Variants in PCDHGA7 observed in about 807,000 individuals in gnomAD.
PCDHGA7 encodes protocadherin gamma-A7.
A neutral mutation model predicts 58.3 loss-of-function variants in PCDHGA7; 44 were observed. That is an observed-to-expected ratio of 0.75 (90% CI 0.59 to 0.97). PCDHGA7 has a LOEUF of 0.97. Among genes scored for constraint, PCDHGA7 ranks in the 50% least tolerant of loss-of-function variants. PCDHGA7 has a pLI of 0.00. For synonymous variants in PCDHGA7, 516 were observed against 504.2 expected, an observed-to-expected ratio of 1.02 and a Z score of -0.31; for missense variants, 1,266 against 1,188.7, an observed-to-expected ratio of 1.06 and a Z score of -0.96.
intron 1 of PCDHGA7, among the ~76,000 whole-genome samples, chr5:141,460,070 T>C (rs547558436): frequency 2.0e-5 from 3 of 152,202 alleles, no homozygotes; most frequent in South Asian, 2.1e-4. Flanking sequence ...AGAGTGAGAC[T>C]TCATCTAAAA....
At chr5:141,438,633 TATAC>T (rs1373299550) in intron 1 of PCDHGA7, among the ~76,000 whole-genome samples, 3,683 of 33,472 alleles carry the variant, frequency 0.11, 56 homozygotes, top group Non-Finnish European at 0.14. Flanking sequence ...TATATATATA[TATAC>T]ACACACACAC....
Position 141,487,341 on chromosome 5 carries a change from TC to T in PCDHGA7, c.2425-7465del, listed in dbSNP as rs778559139. Reference sequence around the variant, plus strand: ...TGTCTTCGTGGGGCAGCCTGTGGAGTCACATGCTTTCCTGCTGGCACCTGTG... The same window carrying T: ...TGTCTTCGTGGGGCAGCCTGTGGAGTACATGCTTTCCTGCTGGCACCTGTG... On this transcript the variant is annotated intron_variant, in intron 1 of 3. Transcript: ENST00000518325. This position sits in a 1 kb window ranked among gnomAD's most constrained non-coding sequence, Gnocchi z 5.0. 1 of 1,614,012 alleles carries T rather than the reference TC, an allele frequency of 6.2e-7. No homozygotes were observed. The highest frequency in any genetic ancestry group is 1.1e-5 in the South Asian group (1 of 91,074).
intron 1 of PCDHGA7, chr5:141,418,614 G>C: frequency 1.2e-6 from 2 of 1,613,994 alleles, no homozygotes; most frequent in Non-Finnish European, 1.7e-6. Flanking sequence ...GTTAGCCTTC[G>C]GGAAGACGTG....
At position 141,390,471 on chromosome 5, in the gene PCDHGA7, G is replaced by C. The variant is rs969771801; in HGVS notation, c.2424+5148G>C. The C allele has an allele frequency of 7.2e-6, 5 of 697,624 alleles. No homozygotes were observed. The African/African-American group carries it at 9.0e-5, about 13-fold the overall frequency. The allele number at this position is 697,624 out of a possible 1,614,324, so 43.2% of individuals were successfully genotyped here. On this transcript the variant is annotated intron_variant, in intron 1 of 3. Coordinates refer to ENST00000518325, the MANE Select transcript of PCDHGA7 (RefSeq NM_018920.4). ...GGAGTAAAGTAGGAGCAATTGTGTG[G>C]CCCAACATTTGTTTGTTTTTTAGCC... is the stretch of plus-strand genomic sequence containing the variant.
At chr5:141,401,861 G>A (rs934405271) in intron 1 of PCDHGA7, among the ~76,000 whole-genome samples, 3 of 152,122 alleles carry the variant, frequency 2.0e-5, no homozygotes, top group African/African-American at 7.2e-5. Context: ...TAACCTTTCA[G>A]TAGTTTTCTT....
rs777535962 is a variant in PCDHGA7, at chr5:141,431,195, G to T, written c.2424+45872G>T. The T allele has an allele frequency of 1.2e-6, 2 of 1,614,166 alleles. No homozygotes were observed. Among genetic ancestry groups the T allele is most frequent in the East Asian group, 2.2e-5 (1 of 44,890 alleles). On this transcript the variant is annotated intron_variant, in intron 1 of 3. Transcript: ENST00000518325. The surrounding 1 kb of genome is among the most constrained non-coding windows in gnomAD (Gnocchi z 4.8). ...ATTAGAAATAAAAATTAGTGAAAAT[G>T]CAGCCACTGAGATGCGGTTCCCTCT... is the stretch of plus-strand genomic sequence containing the variant.
chr5:141,408,728 C>A lies in PCDHGA7; in HGVS notation c.2424+23405C>A, dbSNP rs371316574. 3.7e-6 allele frequency: 6 copies of A among 1,610,174 alleles called. No individual in the cohort carries two copies. In the African/African-American group the frequency reaches 8.0e-5, roughly 22 times the overall value. ...TAAAGATTATAAGATAAACTCTAATCCTTATTTTTCATTAATGGTTAGAGT... is the reference window on the plus strand; with the variant it reads ...TAAAGATTATAAGATAAACTCTAATACTTATTTTTCATTAATGGTTAGAGT... On this transcript the variant is annotated intron_variant, in intron 1 of 3. Transcript: ENST00000518325.
Position 141,403,961 on chromosome 5 carries a change from G to A in PCDHGA7, c.2424+18638G>A, listed in dbSNP as rs763967342. 8.1e-6 allele frequency: 13 copies of A among 1,613,892 alleles called. No individual in the cohort carries two copies. Among genetic ancestry groups the A allele is most frequent in the Non-Finnish European group, 1.1e-5 (13 of 1,179,856 alleles). On this transcript the variant is annotated intron_variant, in intron 1 of 3. Transcript: ENST00000518325. ...AGGGTGGACAAAAGTGCTCATTTCG[G>A]TGGAAGATGTAAATGACAATAGACC...
intron 1 of PCDHGA7, chr5:141,418,934 G>T (rs1163951447): frequency 6.2e-7 from 1 of 1,614,056 alleles, no homozygotes; most frequent in African/African-American, 1.3e-5. Context: ...GATTATGGAG[G>T]ATTCCCCTCC....
In PCDHGA7 at chr5:141,405,069, C is replaced by T. The variant is rs200974828; in HGVS notation, c.2424+19746C>T. On this transcript the variant is annotated intron_variant, in intron 1 of 3. Coordinates refer to ENST00000518325, the MANE Select transcript of PCDHGA7 (RefSeq NM_018920.4). ...GCAGTCGTCTCCTGTGTCTTCCTCA[C>T]CTTCGTTATCACGCTGCTGGCCCTC... is the stretch of plus-strand genomic sequence containing the variant. 1.3e-4 allele frequency: 215 copies of T among 1,613,758 alleles called. No individual in the cohort carries two copies. The highest frequency in any genetic ancestry group is 1.7e-4 in the Non-Finnish European group (203 of 1,179,762).
rs1412764202 is a variant in PCDHGA7, at chr5:141,486,708, C to T, written c.2425-8099C>T. The T allele has an allele frequency of 1.2e-6, 2 of 1,614,062 alleles. No individual in the cohort carries two copies. Among genetic ancestry groups the T allele is most frequent in the Non-Finnish European group, 1.7e-6 (2 of 1,180,054 alleles). ...GCTTCCTCTTTCATCTCTCTGAACC[C>T]CCAGACAGGAGCTGTTCATGCTACT... On this transcript the variant is annotated intron_variant, in intron 1 of 3. Coordinates refer to ENST00000518325, the MANE Select transcript of PCDHGA7 (RefSeq NM_018920.4). This position sits in a 1 kb window ranked among gnomAD's most constrained non-coding sequence, Gnocchi z 5.0.
rs181806844 is a variant in PCDHGA7 at position 141,445,046 on chromosome 5, G to T, written c.2425-49761G>T. Among the ~76,000 whole-genome samples the T allele has an allele frequency of 1.2e-4, 19 of 152,248 alleles. No individual in the cohort carries two copies. The East Asian group carries it at 3.7e-3, about 29-fold the overall frequency. ...TCAGCTATGTTGTATAGTTTTCAGT[G>T]TAGAGAGGTCATGTATATTTCTCAT... On this transcript the variant is annotated intron_variant, in intron 1 of 3. Transcript: ENST00000518325.
Position 141,510,363 on chromosome 5 carries a change from G to A in PCDHGA7, c.2573-584G>A, listed in dbSNP as rs973832487. Among the ~76,000 whole-genome samples the A allele has an allele frequency of 7.8e-5, 11 of 141,564 alleles. No individual in the cohort carries two copies. In the East Asian group the frequency reaches 1.6e-3, roughly 21 times the overall value. 92.9% of individuals were successfully genotyped at this position (141,564 alleles called of 152,430 possible). The stretch of plus-strand genomic sequence containing the variant: ...CCACACACTTACTAACGGAACTACC[G>A]AATCTCTACTCGTGCCAGGCCTTGC... On this transcript the variant is annotated intron_variant, in intron 3 of 3. Coordinates refer to ENST00000518325, the MANE Select transcript of PCDHGA7 (RefSeq NM_018920.4).
intron 1 of PCDHGA7, chr5:141,399,746 C>G (rs1478736881): frequency 2.5e-6 from 4 of 1,613,242 alleles, no homozygotes; most frequent in African/African-American, 2.7e-5. Context: ...GCGCTCAGCG[C>G]AAACGTGAGC....
rs750216656 is a variant in PCDHGA7 at position 141,422,121 on chromosome 5, A to G, written c.2424+36798A>G. 4.4e-6 allele frequency: 7 copies of G among 1,602,838 alleles called. No individual in the cohort carries two copies. In the Admixed American group the frequency reaches 8.8e-5, roughly 20 times the overall value. On this transcript the variant is annotated intron_variant, in intron 1 of 3. Coordinates refer to ENST00000518325, the MANE Select transcript of PCDHGA7 (RefSeq NM_018920.4). ...CTGAAATATTCCAATTGGATTCACA[A>G]ACTGGAGAAGTTCAAGTACGGGGGT...
At position 141,385,038 on chromosome 5, in the gene PCDHGA7, G is replaced by T. The variant is rs377185831; in HGVS notation, c.2139G>T (p.Ala713=). 2 of 1,614,020 alleles carry T rather than the reference G, an allele frequency of 1.2e-6. No individual in the cohort carries two copies. Among genetic ancestry groups the T allele is most frequent in the Admixed American group, 1.7e-5 (1 of 60,014 alleles). ...VFLAFVLVLL[A]LRLRRWHKSR... Reference sequence around the variant, plus strand: ...TAGCCTTCGTCCTCGTACTGCTGGCGCTCAGGCTGCGGCGCTGGCACAAGT... The same window carrying T: ...TAGCCTTCGTCCTCGTACTGCTGGCTCTCAGGCTGCGGCGCTGGCACAAGT... The change falls in exon 1 of 4, where the codon GCG becomes GCT. Residue 713 remains alanine, a synonymous_variant. Transcript: ENST00000518325.
Position 141,384,854 on chromosome 5 carries a change from C to T in PCDHGA7, c.1955C>T (p.Pro652Leu). The T allele has an allele frequency of 6.2e-7, 1 of 1,613,702 alleles. No homozygotes were observed. The highest frequency in any genetic ancestry group is 8.5e-7 in the Non-Finnish European group (1 of 1,179,950). The change falls in exon 1 of 4, where the codon CCT becomes CTT. Residue 652 changes from proline to leucine, a missense_variant. Transcript: ENST00000518325. ...LVVAVQDHGQPPLSATVTLTV... is the reference protein window; with the variant it reads ...LVVAVQDHGQLPLSATVTLTV... ...GTGGCCGTCCAGGACCACGGTCAGC[C>T]TCCTCTGTCAGCCACCGTCACACTC... is the stretch of plus-strand genomic sequence containing the variant.
Position 141,486,954 on chromosome 5 carries a change from C to T in PCDHGA7, c.2425-7853C>T, listed in dbSNP as rs764632268. 3.7e-6 allele frequency: 6 copies of T among 1,614,114 alleles called. 1 individual carries two copies. The South Asian group carries it at 6.6e-5, about 18-fold the overall frequency. On this transcript the variant is annotated intron_variant, in intron 1 of 3. Coordinates refer to ENST00000518325, the MANE Select transcript of PCDHGA7 (RefSeq NM_018920.4). The surrounding 1 kb of genome is among the most constrained non-coding windows in gnomAD (Gnocchi z 5.0). ...GCTGGCCACCTAATCACAAAGGTGA[C>T]TGCTGTGGACTTGGATTCAGGTTAC...
chr5:141,413,567 A>G (rs950241336), intron 1 of PCDHGA7: 2 of 1,613,936 alleles, frequency 1.2e-6, no homozygotes, highest in Admixed American at 1.7e-5. Context: ...ACTGATATCA[A>G]TGACAATGCT....
Sources: gnomAD v4.1 joint callset for allele counts (sites outside exome capture counted in the v4.1 genomes callset) on GRCh38, gnomAD v4.1.1 for gene constraint, Gnocchi (gnomAD v3.1) non-coding constraint, MANE v1.5 for transcripts, NCBI Gene and HGNC (gene_info 2026-07-23, HGNC 2026-07-21) for gene names.